The following LIPC variants were observed in gnomAD, a reference collection of about 807,000 sequenced individuals.
LIPC encodes lipase C, hepatic type.
LIPC carries 44 observed loss-of-function variants against 50.7 expected under a neutral mutation model. The ratio of observed to expected loss-of-function variants is 0.87; its 90% CI spans 0.68 to 1.11. The LOEUF (loss-of-function observed/expected upper bound fraction) is 1.11, where lower values mean the gene tolerates loss of function less well. LIPC is among the 50% of genes most tolerant of loss of function. The pLI is 0.00. For synonymous variants in LIPC, 271 were observed against 256.4 expected (o/e 1.06, Z -0.54); for missense variants, 697 against 648.2 (o/e 1.08, Z -0.82).
intron 1 of LIPC, among the ~76,000 whole-genome samples, chr15:58,440,719 G>A (rs1288430945): frequency 6.6e-6 from 1 of 152,200 alleles, no homozygotes; most frequent in Non-Finnish European, 1.5e-5. Context: ...AGAGCCCTGA[G>A]GCAGCGCAGG....
intron 1 of LIPC, among the ~76,000 whole-genome samples, chr15:58,485,694 T>C (rs1595888428): frequency 1.3e-5 from 2 of 152,344 alleles, no homozygotes; most frequent in South Asian, 2.1e-4. Flanking sequence ...TACAGACTAC[T>C]GAGAATCAGA....
chr15:58,467,498 C>A (rs1039058030), intron 1 of LIPC, among the ~76,000 whole-genome samples: 1 of 152,162 alleles, frequency 6.6e-6, no homozygotes. Context: ...GCCACTTTTA[C>A]CGGGTTTAAT....
chr15:58,437,456 T>A (rs933773412), intron 1 of LIPC, among the ~76,000 whole-genome samples: 2 of 152,168 alleles, frequency 1.3e-5, no homozygotes, highest in Non-Finnish European at 2.9e-5. Flanking sequence ...ACACATGCTG[T>A]ATATTGCTAG....
Position 58,560,960 on chromosome 15 carries a change from T to C in LIPC, c.1148T>C (p.Met383Thr), listed in dbSNP as rs202215798. The C allele has an allele frequency of 9.7e-6, 15 of 1,549,286 alleles. No homozygotes were observed. The highest frequency in any genetic ancestry group is 1.4e-5 in the African/African-American group (1 of 73,872). ...TCACTACTCGGAACAAAAGAGAAAA[T>C]GCAGAAAATTCCCATCACTCTGTGA... The part of the protein sequence containing the change: ...TMSLLGTKEK[M>T]QKIPITLGKG... The change falls in exon 7 of 9, where the codon ATG (methionine) becomes ACG (threonine). Residue 383 changes from methionine to threonine, a missense_variant. Coordinates refer to ENST00000299022, the MANE Select transcript of LIPC (RefSeq NM_000236.3).
intron 7 of LIPC, among the ~76,000 whole-genome samples, chr15:58,561,948 G>A (rs540302923): frequency 6.6e-6 from 1 of 152,292 alleles, no homozygotes; most frequent in East Asian, 1.9e-4. Flanking sequence ...GATGGTTGGA[G>A]GGCTTAGAAT....
At chr15:58,442,136 C>G (rs566625201) in intron 1 of LIPC, among the ~76,000 whole-genome samples, 1 of 152,308 alleles carries the variant, frequency 6.6e-6, no homozygotes, top group African/African-American at 2.4e-5. Context: ...CCTCTGATCT[C>G]TCAGGAGTAA....
chr15:58,448,302 A>T (rs1190629477), intron 1 of LIPC, among the ~76,000 whole-genome samples: 1 of 152,178 alleles, frequency 6.6e-6, no homozygotes, highest in Non-Finnish European at 1.5e-5. Context: ...CAGTTTTCCC[A>T]TCAAGCCAGG....
At chr15:58,490,672 A>G (rs1323271743) in intron 1 of LIPC, among the ~76,000 whole-genome samples, 1 of 152,182 alleles carries the variant, frequency 6.6e-6, no homozygotes, top group Non-Finnish European at 1.5e-5. Context: ...CAACAATGAA[A>G]TATGGAGAAA....
intron 1 of LIPC, among the ~76,000 whole-genome samples, chr15:58,486,873 G>C (rs1251539869): frequency 6.6e-6 from 1 of 152,186 alleles, no homozygotes; most frequent in African/African-American, 2.4e-5. Context: ...CAATCAAATA[G>C]TGAACAGGCC....
chr15:58,457,352 T>G (rs551710139), intron 1 of LIPC, among the ~76,000 whole-genome samples: 1 of 152,216 alleles, frequency 6.6e-6, no homozygotes, highest in South Asian at 2.1e-4. Flanking sequence ...TCAGGTGATC[T>G]GCCCGCTTCA....
At position 58,527,947 on chromosome 15, in the gene LIPC, C is replaced by G. The variant is rs1265616057; in HGVS notation, c.89-10386C>G. Among the ~76,000 whole-genome samples the G allele has an allele frequency of 2.0e-5, 3 of 152,206 alleles. No individual in the cohort carries two copies. In the East Asian group the frequency reaches 5.8e-4, roughly 29 times the overall value. The stretch of plus-strand genomic sequence containing the variant: ...GCCCATTTTCTCATCAGGCAGCCCC[C>G]AAACCTCTGCCCCAAAGAGCACATC... On this transcript the variant is annotated intron_variant, in intron 1 of 8. Transcript: ENST00000299022.
chr15:58,541,754 T>A, intron 2 of LIPC, 31 bp from the exon 3 acceptor site: 1 of 1,607,122 alleles, frequency 6.2e-7, no homozygotes, highest in Non-Finnish European at 8.5e-7. Flanking sequence ...GAAAGGAAAC[T>A]AGTGCGACCC....
intron 1 of LIPC, among the ~76,000 whole-genome samples, chr15:58,520,268 G>A (rs868587482): frequency 4.6e-5 from 7 of 152,190 alleles, no homozygotes; most frequent in Non-Finnish European, 7.4e-5. Context: ...TTGAAACAAG[G>A]TGGGCGGGCA....
rs994172543 is a variant in LIPC at position 58,467,315 on chromosome 15, G to T, written c.88+35195G>T. ...GTCTCTCAGGGGCTTCCTGCTTGTG[G>T]AGCAGAACCTTTGCTTGCGGGCTCC... On this transcript the variant is annotated intron_variant, in intron 1 of 8. Coordinates refer to ENST00000299022, the MANE Select transcript of LIPC (RefSeq NM_000236.3). Among the ~76,000 whole-genome samples, 5 of 152,276 alleles carry T rather than the reference G, an allele frequency of 3.3e-5. 1 individual carries two copies. The South Asian group carries it at 1.0e-3, about 32-fold the overall frequency.
chr15:58,565,373 G>T, intron 8 of LIPC: 1 of 1,510,242 alleles, frequency 6.6e-7, no homozygotes, highest in Non-Finnish European at 8.8e-7. Context: ...GGCTTGACCT[G>T]AAAGGGTGGC....
chr15:58,567,011 G>A (rs1318943688), intron 8 of LIPC, among the ~76,000 whole-genome samples: 1 of 151,738 alleles, frequency 6.6e-6, no homozygotes, highest in Non-Finnish European at 1.5e-5. Flanking sequence ...GACACCAGAT[G>A]TATAATAGTG....
At chr15:58,462,157 A>G (rs1894374993) in intron 1 of LIPC, among the ~76,000 whole-genome samples, 1 of 152,072 alleles carries the variant, frequency 6.6e-6, no homozygotes, top group African/African-American at 2.4e-5. Context: ...CATTATGTCT[A>G]TTGTTGACTG....
At chr15:58,530,717 A>G (rs1395074927) in intron 1 of LIPC, among the ~76,000 whole-genome samples, 2 of 152,208 alleles carry the variant, frequency 1.3e-5, no homozygotes, top group Non-Finnish European at 2.9e-5. Flanking sequence ...CTCAATCACA[A>G]TAGCTTTGCT....
intron 6 of LIPC, among the ~76,000 whole-genome samples, chr15:58,554,398 C>T (rs1165445149): frequency 2.0e-5 from 3 of 152,156 alleles, no homozygotes; most frequent in Non-Finnish European, 4.4e-5. Flanking sequence ...GGATTAAAAG[C>T]GTTTTCCCCA....
Sources: allele counts gnomAD v4.1 joint callset (sites outside exome capture counted in the v4.1 genomes callset), GRCh38; gene constraint gnomAD v4.1.1; transcripts MANE v1.5; gene names NCBI Gene and HGNC (gene_info 2026-07-23, HGNC 2026-07-21).